Variants in PLEKHA2 observed in about 807,000 individuals in gnomAD.
The protein encoded by PLEKHA2 is pleckstrin homology domain containing A2.
PLEKHA2 carries 28 observed loss-of-function variants against 53.2 expected under a neutral mutation model. The observed-to-expected ratio is 0.53, with a 90% confidence interval of 0.39 to 0.72. PLEKHA2 has a LOEUF of 0.72. Among genes scored for constraint, PLEKHA2 ranks in the 30% least tolerant of loss-of-function variants. PLEKHA2 has a pLI of 0.00. For missense variants in PLEKHA2, 426 were observed against 537.9 expected (o/e 0.79, Z 2.06); for synonymous variants, 193 against 196.4 (o/e 0.98, Z 0.14).
At chr8:38,921,508 G>A (rs1411149529) in intron 2 of PLEKHA2, among the ~76,000 whole-genome samples, 5 of 152,162 alleles carry the variant, frequency 3.3e-5, no homozygotes, top group Admixed American at 1.3e-4. Context: ...GAATATTGAC[G>A]GTTGTCAGGA....
At position 38,953,296 on chromosome 8, in the gene PLEKHA2, G is replaced by A; in HGVS notation, c.703-1G>A. 1.2e-6 allele frequency: 2 copies of A among 1,611,546 alleles called. No individual in the cohort carries two copies. The highest frequency in any genetic ancestry group is 1.7e-6 in the Non-Finnish European group (2 of 1,177,662). On this transcript the variant is annotated splice_acceptor_variant, in intron 8 of 11. Coordinates refer to ENST00000617275, the MANE Select transcript of PLEKHA2 (RefSeq NM_021623.2). LOFTEE classifies it high-confidence loss of function. ...ACCTGTCTTTCTGTTCTTTCCACCA[G>A]GACCGAGAACCACTGCGCACCATAT...
intron 10 of PLEKHA2, among the ~76,000 whole-genome samples, chr8:38,965,528 C>T (rs1335174962): frequency 6.6e-6 from 1 of 152,156 alleles, no homozygotes; most frequent in Non-Finnish European, 1.5e-5. Context: ...CCTACCAAAT[C>T]ATCTTTTGTT....
chr8:38,933,422 C>A (rs1231790930), intron 2 of PLEKHA2, among the ~76,000 whole-genome samples: 1 of 152,168 alleles, frequency 6.6e-6, no homozygotes, highest in Non-Finnish European at 1.5e-5. Flanking sequence ...AAAATTACCC[C>A]ATGCCACTTG....
At chr8:38,958,163 A>G (rs1834975448) in intron 10 of PLEKHA2, among the ~76,000 whole-genome samples, 1 of 152,090 alleles carries the variant, frequency 6.6e-6, no homozygotes, top group Non-Finnish European at 1.5e-5. Context: ...CCATCTTTAT[A>G]AAAATACAAA....
At position 38,971,457 on chromosome 8, in the gene PLEKHA2, C is replaced by A. The variant is rs545378181; in HGVS notation, c.*1674C>A. 1.6e-4 allele frequency: 24 copies of A among 152,376 alleles called. No individual in the cohort carries two copies. Among genetic ancestry groups the A allele is most frequent in the African/African-American group, 5.5e-4 (23 of 41,542 alleles). 9.4% of individuals were successfully genotyped at this position (152,376 alleles called of 1,614,324 possible). ...ATTCCAAATTCTTATAGCTCCTTAG[C>A]TCTGGTTTTACTCTCGTATTTTCCC... On this transcript the variant is annotated 3_prime_UTR_variant, in exon 12 of 12. Coordinates refer to ENST00000617275, the MANE Select transcript of PLEKHA2 (RefSeq NM_021623.2).
intron 2 of PLEKHA2, among the ~76,000 whole-genome samples, chr8:38,918,836 T>TTAG (rs1464799506): frequency 6.6e-6 from 1 of 152,074 alleles, no homozygotes; most frequent in African/African-American, 2.4e-5. Context: ...GAAAACCATC[T>TTAG]CAGATCTTAG....
intron 10 of PLEKHA2, among the ~76,000 whole-genome samples, chr8:38,958,982 G>A (rs538229738): frequency 6.6e-6 from 1 of 152,274 alleles, no homozygotes; most frequent in African/African-American, 2.4e-5. Context: ...GATGGTGGGT[G>A]TGTGATGAAG....
chr8:38,943,775 C>G lies in PLEKHA2; in HGVS notation c.199-14C>G. ...ACACATATTCATGTTTCTTTTATTT[C>G]TTATTTGATTTAGGTGAGCATAGCT... On this transcript the variant is annotated splice_polypyrimidine_tract_variant and intron_variant, in intron 3 of 11. Transcript: ENST00000617275. 6.5e-7 allele frequency: 1 copy of G among 1,542,610 alleles called. No individual in the cohort carries two copies. Among genetic ancestry groups the G allele is most frequent in the Non-Finnish European group, 8.7e-7 (1 of 1,144,414 alleles).
At chr8:38,933,248 C>T (rs73674638) in intron 2 of PLEKHA2, among the ~76,000 whole-genome samples, 6,050 of 151,746 alleles carry the variant, frequency 0.04, 420 homozygotes, top group African/African-American at 0.14. Context: ...GGAGGGGGAT[C>T]GGGACTCCAA....
intron 1 of PLEKHA2, among the ~76,000 whole-genome samples, chr8:38,912,577 C>T (rs1439399413): frequency 6.6e-6 from 1 of 152,106 alleles, no homozygotes; most frequent in Admixed American, 6.5e-5. Flanking sequence ...AGAGGAAGAG[C>T]CAGAGAAGAT....
At chr8:38,967,321 G>C (rs1000493382) in intron 10 of PLEKHA2, among the ~76,000 whole-genome samples, 1 of 152,002 alleles carries the variant, frequency 6.6e-6, no homozygotes, top group Non-Finnish European at 1.5e-5. Context: ...TTAGGTTTGG[G>C]GGCACATGTG....
intron 4 of PLEKHA2, among the ~76,000 whole-genome samples, chr8:38,945,275 CTG>C (rs1369375671): frequency 6.6e-6 from 1 of 152,222 alleles, no homozygotes; most frequent in Non-Finnish European, 1.5e-5. Flanking sequence ...TGCCTTGTCA[CTG>C]TGGTATCCTC....
At chr8:38,955,736 A>G (rs1297165756) in intron 9 of PLEKHA2, among the ~76,000 whole-genome samples, 1 of 152,174 alleles carries the variant, frequency 6.6e-6, no homozygotes, top group Non-Finnish European at 1.5e-5. Context: ...CATAAAGCCA[A>G]CCCCACCTGT....
At chr8:38,924,227 G>A (rs536318911) in intron 2 of PLEKHA2, among the ~76,000 whole-genome samples, 8 of 152,268 alleles carry the variant, frequency 5.3e-5, no homozygotes, top group East Asian at 1.9e-4. Context: ...GGAGAAGGGC[G>A]TTCTGAGTTG....
intron 10 of PLEKHA2, among the ~76,000 whole-genome samples, chr8:38,967,609 T>C (rs1835164574): frequency 6.6e-6 from 1 of 152,176 alleles, no homozygotes; most frequent in African/African-American, 2.4e-5. Flanking sequence ...TTTTTTCATA[T>C]GCTTCTTGGC....
rs781276581 is a variant in PLEKHA2 at position 38,950,838 on chromosome 8, C to T, written c.346-12C>T. 1.6e-5 allele frequency: 26 copies of T among 1,608,848 alleles called. No homozygotes were observed. Among genetic ancestry groups the T allele is most frequent in the South Asian group, 7.7e-5 (7 of 90,842 alleles). On this transcript the variant is annotated splice_polypyrimidine_tract_variant and intron_variant, in intron 5 of 11. Transcript: ENST00000617275. ...TCTGTTCCCCATTGATTGTTGCTGC[C>T]GCTCACCCCAGGTTCCCAAAGGTGG...
intron 3 of PLEKHA2, among the ~76,000 whole-genome samples, chr8:38,943,301 C>G: frequency 6.6e-6 from 1 of 151,596 alleles, no homozygotes; most frequent in Non-Finnish European, 1.5e-5. Flanking sequence ...GGCAACATAG[C>G]AAGACCCTGT....
chr8:38,917,733 T>C (rs1473908745), intron 1 of PLEKHA2, among the ~76,000 whole-genome samples, 174 bp from the exon 2 acceptor site: 1 of 152,096 alleles, frequency 6.6e-6, no homozygotes, highest in Non-Finnish European at 1.5e-5. Context: ...TGAATGGATT[T>C]TTAGGGGTGC....
intron 11 of PLEKHA2, chr8:38,969,016 A>G: frequency 3.2e-6 from 1 of 312,412 alleles, no homozygotes. Context: ...CTCCTGCCTC[A>G]GCCTCCCAAG....
Sources: gnomAD v4.1 joint callset for allele counts (sites outside exome capture counted in the v4.1 genomes callset) on GRCh38, gnomAD v4.1.1 for gene constraint, MANE v1.5 for transcripts, NCBI Gene and HGNC (gene_info 2026-07-23, HGNC 2026-07-21) for gene names.